Variants in ZIK1 observed in about 807,000 individuals in gnomAD.
ZIK1 encodes the protein zinc finger protein interacting with K protein 1, also known as zinc finger protein interacting with ribonucleoprotein K.
ZIK1 carries 12 observed loss-of-function variants against 10.7 expected under a neutral mutation model. That is an observed-to-expected ratio of 1.12 (90% CI 0.72 to 1.81). The LOEUF (loss-of-function observed/expected upper bound fraction) is 1.81, where lower values mean the gene tolerates loss of function less well. Among genes scored for constraint, ZIK1 ranks in the 40% most tolerant of loss-of-function variants. The pLI is 0.00. For missense variants in ZIK1, 497 were observed against 585.7 expected, an observed-to-expected ratio of 0.85 and a Z score of 1.56; for synonymous variants, 190 against 205.0, an observed-to-expected ratio of 0.93 and a Z score of 0.63.
At position 57,590,064 on chromosome 19, in the gene ZIK1, G is replaced by A. The variant is rs751510420; in HGVS notation, c.253G>A (p.Val85Ile). 1.2e-6 allele frequency: 2 copies of A among 1,614,208 alleles called. No individual in the cohort carries two copies. Among genetic ancestry groups the A allele is most frequent in the South Asian group, 1.1e-5 (1 of 91,088 alleles). ...EETPSDQNVS[V>I]GVSQSKAGSS... ...GACACCTTCTGACCAGAATGTTTCT[G>A]TAGGAGTGTCACAGTCAAAGGCAGG... is the stretch of plus-strand genomic sequence containing the variant. The change falls in exon 4 of 4, where the codon GTA becomes ATA. Residue 85 changes from valine to isoleucine, a missense_variant. Physicochemically the swap from Val to Ile is conservative, Grantham distance 29. Coordinates refer to ENST00000597850, the MANE Select transcript of ZIK1 (RefSeq NM_001010879.4).
chr19:57,587,146 C>G (rs542193386), intron 2 of ZIK1, among the ~76,000 whole-genome samples: 220 of 152,258 alleles, frequency 1.4e-3, no homozygotes, highest in Non-Finnish European at 2.4e-3. Flanking sequence ...ATGGGAAAGG[C>G]CTGCCCCTAT....
rs1020614202 is a variant in ZIK1 at position 57,588,442 on chromosome 19, C to T, written c.73-97C>T. ...ATGAAAAGAGAGTGGGCATCTGTGT[C>T]ACCAGGGCCTGTATTTCCTTAAGGT... On this transcript the variant is annotated intron_variant, in intron 2 of 3. Coordinates refer to ENST00000597850, the MANE Select transcript of ZIK1 (RefSeq NM_001010879.4). 9.3e-6 allele frequency: 12 copies of T among 1,296,658 alleles called. No homozygotes were observed. The African/African-American group carries it at 1.8e-4, about 20-fold the overall frequency. The allele number at this position is 1,296,658 out of a possible 1,614,324, so 80.3% of individuals were successfully genotyped here. A position where few individuals can be genotyped will look rare whatever the true frequency, so the allele number is the denominator to read the frequency against.
At chr19:57,589,270 G>A (rs771210312) in intron 3 of ZIK1, 108 of 985,148 alleles carry the variant, frequency 1.1e-4, no homozygotes, top group Non-Finnish European at 1.3e-4. Flanking sequence ...TCTCAGAGAA[G>A]GCCTGGGCTT....
Position 57,593,741 on chromosome 19 carries a change from T to C in ZIK1, c.*2466T>C, listed in dbSNP as rs969192176. 1.0e-4 allele frequency: 15 copies of C among 150,700 alleles called. No individual in the cohort carries two copies. Among genetic ancestry groups the C allele is most frequent in the African/African-American group, 3.4e-4 (14 of 40,772 alleles). The allele number at this position is 150,700 out of a possible 1,614,324, so 9.3% of individuals were successfully genotyped here. On this transcript the variant is annotated 3_prime_UTR_variant, in exon 4 of 4. Coordinates refer to ENST00000597850, the MANE Select transcript of ZIK1 (RefSeq NM_001010879.4). ...TGTCTGTGATTTTATTGCATTTTTC[T>C]GGTATTTTATGGTATTGAACATTTG...
In ZIK1 at chr19:57,591,738, G is replaced by GAGAA. The variant is rs565202312; in HGVS notation, c.*463_*464insAGAA. On this transcript the variant is annotated 3_prime_UTR_variant, in exon 4 of 4. Transcript: ENST00000597850. ...AATTCTTGGTCTCACATGACACTTG[G>GAGAA]TCATTCTTCCAGCCTCCATGTCACC... 485 of 159,054 alleles carry GAGAA rather than the reference G, an allele frequency of 3.0e-3. 3 individuals are homozygous for GAGAA. Among genetic ancestry groups the GAGAA allele is most frequent in the African/African-American group, 0.011 (469 of 41,646 alleles). The allele number at this position is 159,054 out of a possible 1,614,324, so 9.9% of individuals were successfully genotyped here. A position where few individuals can be genotyped will look rare whatever the true frequency, so the allele number is the denominator to read the frequency against.
At chr19:57,589,446 A>G (rs1979462320) in intron 3 of ZIK1, 3 of 985,276 alleles carry the variant, frequency 3.0e-6, no homozygotes, top group Non-Finnish European at 2.4e-6. Context: ...ATTTTTATCT[A>G]TGACTTCTAG....
At position 57,590,481 on chromosome 19, in the gene ZIK1, C is replaced by A; in HGVS notation, c.670C>A (p.His224Asn). ...ATGTGGGAAGGCTTCCAGGCACAAA[C>A]ACACTCCTGTTTACCATCCAAGAGT... The part of the protein sequence containing the change: ...GECGKASRHK[H>N]TPVYHPRVYT... The change falls in exon 4 of 4, where the codon CAC becomes AAC. Residue 224 changes from histidine (H) to asparagine (N), a missense_variant. His to Asn is a moderately conservative substitution (Grantham distance 68). Transcript: ENST00000597850. 1.2e-6 allele frequency: 2 copies of A among 1,613,718 alleles called. No individual in the cohort carries two copies. Among genetic ancestry groups the A allele is most frequent in the Non-Finnish European group, 1.7e-6 (2 of 1,179,906 alleles).
In ZIK1 at chr19:57,590,500, C is replaced by T. The variant is rs1979577633; in HGVS notation, c.689C>T (p.Pro230Leu). 6.2e-7 allele frequency: 1 copy of T among 1,613,962 alleles called. No homozygotes were observed. Residue 230 changes from proline (P) to leucine (L), a missense_variant, in exon 4 of 4, where the codon CCA becomes CTA. Coordinates refer to ENST00000597850, the MANE Select transcript of ZIK1 (RefSeq NM_001010879.4). ...SRHKHTPVYH[P>L]RVYTGKKLYE... ...CACAAACACACTCCTGTTTACCATCCAAGAGTCTACACTGGAAAAAAGCTT... is the reference window on the plus strand; with the variant it reads ...CACAAACACACTCCTGTTTACCATCTAAGAGTCTACACTGGAAAAAAGCTT...
rs1979870811 is a variant in ZIK1, at chr19:57,593,357, A to C, written c.*2082A>C. The C allele has an allele frequency of 6.6e-6, 1 of 152,164 alleles. No individual in the cohort carries two copies. The highest frequency in any genetic ancestry group is 1.5e-5 in the Non-Finnish European group (1 of 68,034). The allele number at this position is 152,164 out of a possible 1,614,324, so 9.4% of individuals were successfully genotyped here. On this transcript the variant is annotated 3_prime_UTR_variant, in exon 4 of 4. Transcript: ENST00000597850. ...ACCAGCTGATGCACAATTACTTTTA[A>C]GATTTATCAATATTGCTTATGTGAA...
rs1254131648 is a variant in ZIK1, at chr19:57,590,470, C to G, written c.659C>G (p.Ser220Cys). ...AAGTCAGGTGAATGTGGGAAGGCTTCCAGGCACAAACACACTCCTGTTTAC... is the reference window on the plus strand; with the variant it reads ...AAGTCAGGTGAATGTGGGAAGGCTTGCAGGCACAAACACACTCCTGTTTAC... ...HYKSGECGKA[S>C]RHKHTPVYHP... The change falls in exon 4 of 4, where the codon TCC (serine) becomes TGC (cysteine). Residue 220 changes from serine (S) to cysteine (C), a missense_variant. Transcript: ENST00000597850. 3.7e-6 allele frequency: 6 copies of G among 1,613,928 alleles called. No individual in the cohort carries two copies. The highest frequency in any genetic ancestry group is 5.1e-6 in the Non-Finnish European group (6 of 1,180,014).
intron 1 of ZIK1, 38 bp from the exon 2 acceptor site, chr19:57,584,914 A>T: frequency 6.2e-7 from 1 of 1,611,554 alleles, no homozygotes; most frequent in Non-Finnish European, 8.5e-7. Flanking sequence ...AGAGCCCTGT[A>T]TGGTCACCTG....
rs1978932801 is a variant in ZIK1, at chr19:57,584,353, T to G, written c.-4T>G. On this transcript the variant is annotated 5_prime_UTR_variant, in exon 1 of 4. Coordinates refer to ENST00000597850, the MANE Select transcript of ZIK1 (RefSeq NM_001010879.4). ...TCCCGGCCCCGCTCTGCCCACAGAC[T>G]CCGATGGCTGCGGCCGCGCTGAGGG... 8.8e-6 allele frequency: 14 copies of G among 1,598,860 alleles called. No individual in the cohort carries two copies. Among genetic ancestry groups the G allele is most frequent in the Non-Finnish European group, 1.1e-5 (13 of 1,173,510 alleles).
In ZIK1 at chr19:57,591,395, A is replaced by C; in HGVS notation, c.*120A>C. The stretch of plus-strand genomic sequence containing the variant: ...CCTACAGGGAAAGTGCTGTCTCTGT[A>C]GTATTGTAGCAGTAGAGAGCCTTTG... On this transcript the variant is annotated 3_prime_UTR_variant, in exon 4 of 4. Transcript: ENST00000597850. 1 of 1,033,054 alleles carries C rather than the reference A, an allele frequency of 9.7e-7. No homozygotes were observed. Among genetic ancestry groups the C allele is most frequent in the South Asian group, 1.7e-5 (1 of 59,432 alleles). The allele number at this position is 1,033,054 out of a possible 1,614,324, so 64.0% of individuals were successfully genotyped here. A position where few individuals can be genotyped will look rare whatever the true frequency, so the allele number is the denominator to read the frequency against.
In ZIK1 at chr19:57,590,636, C is replaced by G. The variant is rs999853546; in HGVS notation, c.825C>G (p.Phe275Leu). The G allele has an allele frequency of 1.2e-6, 2 of 1,614,058 alleles. No homozygotes were observed. The highest frequency in any genetic ancestry group is 1.7e-5 in the Admixed American group (1 of 60,000). ...RPWECNECGKFFSQTSHLNDH... is the reference protein window; with the variant it reads ...RPWECNECGKLFSQTSHLNDH... ...GGGAGTGCAATGAATGTGGAAAATT[C>G]TTTAGCCAAACCTCCCACCTGAATG... is the stretch of plus-strand genomic sequence containing the variant. Residue 275 changes from phenylalanine (F) to leucine (L), a missense_variant, in exon 4 of 4, where the codon TTC becomes TTG. Coordinates refer to ENST00000597850, the MANE Select transcript of ZIK1 (RefSeq NM_001010879.4).
chr19:57,590,706 G>T lies in ZIK1; in HGVS notation c.895G>T (p.Glu299Ter). Residue 299 changes from glutamate (E) to a stop codon, truncating the protein, a stop_gained, in exon 4 of 4, where the codon GAA (glutamate) becomes TAA (stop). Coordinates refer to ENST00000597850, the MANE Select transcript of ZIK1 (RefSeq NM_001010879.4). LOFTEE classifies it low-confidence loss of function (END_TRUNC). ...CGGAGAAAGGCCTTATGAGTGCAGC[G>T]AATGTGGAAAATTATTTAGACAAAA... ...HTGERPYECS[E>*]CGKLFRQNSS... The T allele has an allele frequency of 6.2e-7, 1 of 1,613,842 alleles. No individual in the cohort carries two copies. Among genetic ancestry groups the T allele is most frequent in the Non-Finnish European group, 8.5e-7 (1 of 1,179,944 alleles).
rs563280438 is a variant in ZIK1 at position 57,591,269 on chromosome 19, C to T, written c.1458C>T (p.Asn486=). 7.5e-6 allele frequency: 12 copies of T among 1,601,566 alleles called. No individual in the cohort carries two copies. Among genetic ancestry groups the T allele is most frequent in the Admixed American group, 1.7e-5 (1 of 58,278 alleles). Reference sequence around the variant, plus strand: ...TCATACATCACCAAAAATGTCATAACACATAGAGGCCTCATGAATGCAGCA... The same window carrying T: ...TCATACATCACCAAAAATGTCATAATACATAGAGGCCTCATGAATGCAGCA... ...SSLIHHQKCH[N]T Residue 486 remains asparagine (N), a synonymous_variant, in exon 4 of 4, where the codon AAC becomes AAT. Transcript: ENST00000597850.
chr19:57,593,889 G>T lies in ZIK1; in HGVS notation c.*2614G>T, dbSNP rs556615622. On this transcript the variant is annotated 3_prime_UTR_variant, in exon 4 of 4. Coordinates refer to ENST00000597850, the MANE Select transcript of ZIK1 (RefSeq NM_001010879.4). The stretch of plus-strand genomic sequence containing the variant: ...CATTAATAAATAGACGTATAACAAA[G>T]ACTTATGTTGAAACTTTACTCATTC... 3 of 151,412 alleles carry T rather than the reference G, an allele frequency of 2.0e-5. No homozygotes were observed. Among genetic ancestry groups the T allele is most frequent in the Non-Finnish European group, 4.4e-5 (3 of 67,912 alleles). The allele number at this position is 151,412 out of a possible 1,614,324, so 9.4% of individuals were successfully genotyped here.
At chr19:57,588,234 G>C (rs1280866428) in intron 2 of ZIK1, among the ~76,000 whole-genome samples, 1 of 152,132 alleles carries the variant, frequency 6.6e-6, no homozygotes, top group Non-Finnish European at 1.5e-5. Context: ...TGGCATTGAG[G>C]ACTTAAGGGT....
In ZIK1 at chr19:57,584,303, G is replaced by T; in HGVS notation, c.-54G>T. On this transcript the variant is annotated 5_prime_UTR_variant, in exon 1 of 4. It adds an upstream start codon to the 5' untranslated region. Coordinates refer to ENST00000597850, the MANE Select transcript of ZIK1 (RefSeq NM_001010879.4). ...GCGGCGGGGTTGACGGCTTTGCCTA[G>T]GTCCCTCCGCCCGTAGCTGTCGGGT... is the stretch of plus-strand genomic sequence containing the variant. The T allele has an allele frequency of 1.7e-5, 27 of 1,551,730 alleles. No individual in the cohort carries two copies. The highest frequency in any genetic ancestry group is 2.3e-5 in the Non-Finnish European group (26 of 1,148,568).
Sources: gnomAD v4.1 joint callset for allele counts (sites outside exome capture counted in the v4.1 genomes callset) on GRCh38, gnomAD v4.1.1 for gene constraint, MANE v1.5 for transcripts, NCBI Gene and HGNC (gene_info 2026-07-23, HGNC 2026-07-21) for gene names.